Variants in AGAP1 observed in about 807,000 individuals in gnomAD.
AGAP1 encodes the protein arf-GAP with GTPase, ANK repeat and PH domain-containing protein 1.
A neutral mutation model predicts 105.3 loss-of-function variants in AGAP1; 29 were observed. That is an observed-to-expected ratio of 0.28 (90% CI 0.21 to 0.38). AGAP1 has a LOEUF of 0.38. AGAP1 is among the 10% of genes least tolerant of loss of function. The pLI is 1.00. For missense variants in AGAP1, 998 were observed against 1,165.1 expected, an observed-to-expected ratio of 0.86 and a Z score of 2.09; for synonymous variants, 509 against 485.9, an observed-to-expected ratio of 1.05 and a Z score of -0.63.
chr2:235,770,220 C>G (rs78006909), intron 6 of AGAP1, among the ~76,000 whole-genome samples: 2 of 151,552 alleles, frequency 1.3e-5, no homozygotes, highest in Admixed American at 6.6e-5. Context: ...CTCCGCTCCC[C>G]GGGTTCATGC....
chr2:235,568,287 CTG>C (rs1481287927), intron 1 of AGAP1, among the ~76,000 whole-genome samples: 7 of 152,216 alleles, frequency 4.6e-5, no homozygotes, highest in African/African-American at 9.7e-5. Flanking sequence ...ATGAGCAGCT[CTG>C]TGGGATCCGA....
intron 5 of AGAP1, among the ~76,000 whole-genome samples, chr2:235,748,017 C>A (rs1953108483): frequency 6.6e-6 from 1 of 152,176 alleles, no homozygotes; most frequent in Non-Finnish European, 1.5e-5. Flanking sequence ...CATAATTGGG[C>A]AAGATGGGAA....
intron 9 of AGAP1, among the ~76,000 whole-genome samples, chr2:235,833,016 C>T (rs530432235): frequency 5.3e-5 from 8 of 152,322 alleles, no homozygotes; most frequent in Admixed American, 2.6e-4. Context: ...CATCTGATGG[C>T]CAGGGCATGT....
At chr2:235,857,573 A>C (rs2106486446) in intron 9 of AGAP1, among the ~76,000 whole-genome samples, 1 of 152,324 alleles carries the variant, frequency 6.6e-6, no homozygotes, top group Non-Finnish European at 1.5e-5. Context: ...AACCTGCAGA[A>C]GTGGATACAC....
Position 235,813,326 on chromosome 2 carries a change from C to T in AGAP1, c.1050+5995C>T, listed in dbSNP as rs192238723. ...AATCGAAAAGAATACTTCCCTTGGC[C>T]GTGAGGGTTGCATGAGGGTGACAGG... On this transcript the variant is annotated intron_variant, in intron 9 of 17. Coordinates refer to ENST00000304032, the MANE Select transcript of AGAP1 (RefSeq NM_001037131.3). Among the ~76,000 whole-genome samples the T allele has an allele frequency of 5.3e-5, 8 of 152,332 alleles. No individual in the cohort carries two copies. In the East Asian group the frequency reaches 1.3e-3, roughly 26 times the overall value.
chr2:236,103,626 A>G (rs2059414414), intron 16 of AGAP1, among the ~76,000 whole-genome samples: 1 of 146,606 alleles, frequency 6.8e-6, no homozygotes. Context: ...CCGGAGTGCA[A>G]TGGCGTGGTC....
intron 9 of AGAP1, among the ~76,000 whole-genome samples, chr2:235,836,689 G>A (rs1960203025): frequency 6.6e-6 from 1 of 152,194 alleles, no homozygotes; most frequent in Non-Finnish European, 1.5e-5. Flanking sequence ...GTTTAAGTGG[G>A]TGATTCCAAA....
intron 13 of AGAP1, among the ~76,000 whole-genome samples, chr2:235,991,854 T>A (rs2055576119): frequency 6.6e-6 from 1 of 152,264 alleles, no homozygotes; most frequent in Non-Finnish European, 1.5e-5. Flanking sequence ...ATGTTCTTTT[T>A]ACCTCTGATT....
rs1231470756 is a variant in AGAP1, at chr2:235,867,701, A to G, written c.1051-15644A>G. 6.6e-6 allele frequency among the ~76,000 whole-genome samples: 1 copy of G among 152,168 alleles called. No individual in the cohort carries two copies. The highest frequency in any genetic ancestry group is 1.9e-4 in the East Asian group (1 of 5,188). On this transcript the variant is annotated intron_variant, in intron 9 of 17. Coordinates refer to ENST00000304032, the MANE Select transcript of AGAP1 (RefSeq NM_001037131.3). This position sits in a 1 kb window ranked among gnomAD's most constrained non-coding sequence, Gnocchi z 5.4. Reference sequence around the variant, plus strand: ...TAGCTTAGCATAATGAGAGGGCAAAAGCAAGATGACTAAGTGTTCGTTACG... The same window carrying G: ...TAGCTTAGCATAATGAGAGGGCAAAGGCAAGATGACTAAGTGTTCGTTACG...
rs566108428 is a variant in AGAP1, at chr2:235,662,090, C to T, written c.164-47089C>T. Among the ~76,000 whole-genome samples the T allele has an allele frequency of 6.6e-6, 1 of 152,154 alleles. No individual in the cohort carries two copies. The highest frequency in any genetic ancestry group is 1.5e-5 in the Non-Finnish European group (1 of 68,026). ...AATTCAGGGAAGGAAAAGACCATGG[C>T]GCTGAGGAGGCGGCACGGCCTGGCC... On this transcript the variant is annotated intron_variant, in intron 1 of 17. Transcript: ENST00000304032. This position sits in a 1 kb window ranked among gnomAD's most constrained non-coding sequence, Gnocchi z 4.2.
chr2:235,774,814 G>A (rs1420075919), intron 6 of AGAP1, among the ~76,000 whole-genome samples: 1 of 152,118 alleles, frequency 6.6e-6, no homozygotes, highest in Non-Finnish European at 1.5e-5. Context: ...AGAGAATTCA[G>A]ATGAGCGAGA....
chr2:235,698,725 C>T (rs1262519049), intron 1 of AGAP1, among the ~76,000 whole-genome samples: 1 of 152,312 alleles, frequency 6.6e-6, no homozygotes, highest in Middle Eastern at 3.4e-3. Flanking sequence ...TGACAGCTGG[C>T]GTTCTGGTGG....
In AGAP1 at chr2:235,957,945, T is replaced by C. The variant is rs1249226412; in HGVS notation, c.1484-10517T>C. 1.3e-5 allele frequency among the ~76,000 whole-genome samples: 2 copies of C among 152,216 alleles called. No homozygotes were observed. The highest frequency in any genetic ancestry group is 2.9e-5 in the Non-Finnish European group (2 of 68,048). On this transcript the variant is annotated intron_variant, in intron 12 of 17. Coordinates refer to ENST00000304032, the MANE Select transcript of AGAP1 (RefSeq NM_001037131.3). The surrounding 1 kb of genome is among the most constrained non-coding windows in gnomAD (Gnocchi z 4.6). ...CCAAGCAAAAAAGGATTTTTAGTCATGTACCTGACACTGCCAAATAGGTAA... is the reference window on the plus strand; with the variant it reads ...CCAAGCAAAAAAGGATTTTTAGTCACGTACCTGACACTGCCAAATAGGTAA...
In AGAP1 at chr2:235,776,803, G is replaced by A. The variant is rs143291888; in HGVS notation, c.674-20956G>A. Among the ~76,000 whole-genome samples the A allele has an allele frequency of 9.9e-5, 15 of 152,260 alleles. No homozygotes were observed. In the East Asian group the frequency reaches 1.6e-3, roughly 16 times the overall value. On this transcript the variant is annotated intron_variant, in intron 6 of 17. Coordinates refer to ENST00000304032, the MANE Select transcript of AGAP1 (RefSeq NM_001037131.3). ...TTAGCCTCAAAGCCTTGCTCTGAGC[G>A]AAAACCTGCCCGTCCCTCAGGCATC...
At chr2:235,515,483 G>C (rs1436375073) in intron 1 of AGAP1, among the ~76,000 whole-genome samples, 1 of 152,188 alleles carries the variant, frequency 6.6e-6, no homozygotes, top group Admixed American at 6.5e-5. Flanking sequence ...CGTAGATACT[G>C]AGCTGGCAAT....
intron 6 of AGAP1, among the ~76,000 whole-genome samples, chr2:235,760,459 G>C (rs2696394): frequency 0.28 from 42,525 of 152,168 alleles, 6,256 homozygotes; most frequent in Admixed American, 0.41. Flanking sequence ...ATTTTCAGGA[G>C]TAATTTGAGA....
In AGAP1 at chr2:235,988,398, A is replaced by G. The variant is rs538139606; in HGVS notation, c.1645+19775A>G. On this transcript the variant is annotated intron_variant, in intron 13 of 17. Coordinates refer to ENST00000304032, the MANE Select transcript of AGAP1 (RefSeq NM_001037131.3). The surrounding 1 kb of genome is among the most constrained non-coding windows in gnomAD (Gnocchi z 4.7). ...CAATGGATTCCCTGTCCCTGCTGCC[A>G]TGAATCAGTCGCACCTGCTTCAGAT... Among the ~76,000 whole-genome samples the G allele has an allele frequency of 2.8e-4, 43 of 152,268 alleles. No individual in the cohort carries two copies. Among genetic ancestry groups the G allele is most frequent in the African/African-American group, 9.6e-4 (40 of 41,568 alleles).
At chr2:236,026,236 G>A (rs904570600) in intron 13 of AGAP1, among the ~76,000 whole-genome samples, 4 of 152,204 alleles carry the variant, frequency 2.6e-5, no homozygotes, top group African/African-American at 9.6e-5. Flanking sequence ...CCCCCACCAG[G>A]ACTGATCAGA....
intron 10 of AGAP1, among the ~76,000 whole-genome samples, chr2:235,907,094 C>G (rs1049945920): frequency 6.6e-6 from 1 of 152,188 alleles, no homozygotes; most frequent in Non-Finnish European, 1.5e-5. Context: ...CTCTCTGCTA[C>G]CCTACCCTGT....
Sources: gnomAD v4.1 joint callset for allele counts (sites outside exome capture counted in the v4.1 genomes callset) on GRCh38, gnomAD v4.1.1 for gene constraint, Gnocchi (gnomAD v3.1) non-coding constraint, MANE v1.5 for transcripts, NCBI Gene and HGNC (gene_info 2026-07-23, HGNC 2026-07-21) for gene names.